The following SGCZ variants were observed in gnomAD, a reference collection of about 807,000 sequenced individuals.
SGCZ encodes the protein zeta-sarcoglycan.
Under a neutral mutation model 41.3 loss-of-function variants are expected in SGCZ, and 40 were observed. The observed-to-expected ratio is 0.97, with a 90% confidence interval of 0.75 to 1.26. The LOEUF is 1.26. Among genes scored for constraint, SGCZ ranks in the 50% most tolerant of loss-of-function variants. The probability of loss-of-function intolerance (pLI) is 0.00; values close to 1 mark genes in which losing one functional copy is unlikely to be tolerated. For synonymous variants in SGCZ, 206 were observed against 137.5 expected (o/e 1.50, Z -3.49); for missense variants, 552 against 369.8 (o/e 1.49, Z -4.04).
intron 1 of SGCZ, among the ~76,000 whole-genome samples, chr8:14,972,302 G>A (rs1012068347): frequency 6.6e-6 from 1 of 151,948 alleles, no homozygotes; most frequent in Non-Finnish European, 1.5e-5. Flanking sequence ...GATAATTTGT[G>A]TATTTTCTTT....
At position 14,690,240 on chromosome 8, in the gene SGCZ, C is replaced by T. The variant is rs142167841; in HGVS notation, c.40-135314G>A. On this transcript the variant is annotated intron_variant, in intron 1 of 7. Coordinates refer to ENST00000382080, the MANE Select transcript of SGCZ (RefSeq NM_139167.4). ...ATGCCTATTACGGTCTGAAATAATT[C>T]GTATATCTTAAGTATGTAGTTTATC... 60 of 151,382 alleles carry T rather than the reference C, an allele frequency of 4.0e-4. No homozygotes were observed. In the East Asian group the frequency reaches 0.011, roughly 27 times the overall value. 9.4% of individuals were successfully genotyped at this position (151,382 alleles called of 1,614,324 possible). A position where few individuals can be genotyped will look rare whatever the true frequency, so the allele number is the denominator to read the frequency against.
chr8:14,260,036 G>T (rs1799600865), intron 3 of SGCZ, among the ~76,000 whole-genome samples: 1 of 152,070 alleles, frequency 6.6e-6, no homozygotes, highest in Non-Finnish European at 1.5e-5. Flanking sequence ...CACATCCCTT[G>T]TAAGTTGGAT....
At position 15,029,905 on chromosome 8, in the gene SGCZ, C is replaced by G. The variant is rs550584202; in HGVS notation, c.39+207680G>C. On this transcript the variant is annotated intron_variant, in intron 1 of 7. Coordinates refer to ENST00000382080, the MANE Select transcript of SGCZ (RefSeq NM_139167.4). ...ATCCTTTGTGTAGTCTCTTTCAAAG[C>G]AAGCAAGTGATCTGAAATGGAATGT... Among the ~76,000 whole-genome samples the G allele has an allele frequency of 5.9e-5, 9 of 152,062 alleles. No individual in the cohort carries two copies. In the East Asian group the frequency reaches 1.6e-3, roughly 26 times the overall value.
Position 14,209,207 on chromosome 8 carries a change from A to C in SGCZ, c.424+28385T>G, listed in dbSNP as rs1294422046. On this transcript the variant is annotated intron_variant, in intron 4 of 7. Transcript: ENST00000382080. ...TGTAAACGTCACATGTTGTCCAACC[A>C]ATCTGTGGACTCCATGTAAATCAGA... 2.0e-5 allele frequency among the ~76,000 whole-genome samples: 3 copies of C among 152,216 alleles called. 1 individual carries two copies. In the East Asian group the frequency reaches 5.8e-4, roughly 29 times the overall value.
At chr8:14,732,721 A>G (rs1253091461) in intron 1 of SGCZ, among the ~76,000 whole-genome samples, 2 of 152,164 alleles carry the variant, frequency 1.3e-5, no homozygotes, top group Non-Finnish European at 2.9e-5. Context: ...GGCAACCAAT[A>G]TGCACAAGAC....
intron 1 of SGCZ, among the ~76,000 whole-genome samples, chr8:14,766,216 T>G (rs557718025): frequency 6.6e-6 from 1 of 152,232 alleles, no homozygotes; most frequent in Non-Finnish European, 1.5e-5. Context: ...CGCCTCGACT[T>G]CCCAAAGTGC....
chr8:14,275,842 T>C (rs1038413132), intron 3 of SGCZ, among the ~76,000 whole-genome samples: 8 of 152,162 alleles, frequency 5.3e-5, no homozygotes, highest in Admixed American at 1.3e-4. Context: ...TAGGAGTTAC[T>C]TTACCCCTAA....
intron 4 of SGCZ, among the ~76,000 whole-genome samples, chr8:14,226,802 G>A (rs1392442867): frequency 6.6e-6 from 1 of 152,052 alleles, no homozygotes; most frequent in Non-Finnish European, 1.5e-5. Flanking sequence ...AAGGTGTAAT[G>A]TTTTGCATTC....
intron 1 of SGCZ, among the ~76,000 whole-genome samples, chr8:15,071,697 A>G (rs1156994712): frequency 1.3e-5 from 2 of 152,146 alleles, no homozygotes; most frequent in Non-Finnish European, 2.9e-5. Context: ...TTGGGTACCA[A>G]CCTCAAAGTT....
chr8:14,234,821 T>G (rs1215364338), intron 4 of SGCZ, among the ~76,000 whole-genome samples: 1 of 152,188 alleles, frequency 6.6e-6, no homozygotes, highest in African/African-American at 2.4e-5. Flanking sequence ...GTAAATTTAT[T>G]CTTACATAAT....
At chr8:14,908,654 G>A (rs191661181) in intron 1 of SGCZ, among the ~76,000 whole-genome samples, 1,627 of 150,452 alleles carry the variant, frequency 0.011, 31 homozygotes, top group African/African-American at 0.035. Context: ...GGAGGCTGAG[G>A]CAGGAGAATC....
intron 2 of SGCZ, among the ~76,000 whole-genome samples, chr8:14,378,424 C>A (rs113624184): frequency 0.019 from 2,929 of 152,202 alleles, 77 homozygotes; most frequent in African/African-American, 0.055. Context: ...CCACAATTGA[C>A]AAATGGGATC....
At chr8:15,126,697 A>G (rs1022812953) in intron 1 of SGCZ, among the ~76,000 whole-genome samples, 15 of 152,204 alleles carry the variant, frequency 9.9e-5, no homozygotes, top group Admixed American at 2.6e-4. Flanking sequence ...TTGAGGCACA[A>G]CAGGAAGAGT....
chr8:14,184,396 T>C lies in SGCZ; in HGVS notation c.425-19694A>G, dbSNP rs1174347574. Among the ~76,000 whole-genome samples, 3 of 152,196 alleles carry C rather than the reference T, an allele frequency of 2.0e-5. No homozygotes were observed. The East Asian group carries it at 5.8e-4, about 29-fold the overall frequency. On this transcript the variant is annotated intron_variant, in intron 4 of 7. Coordinates refer to ENST00000382080, the MANE Select transcript of SGCZ (RefSeq NM_139167.4). ...TATTTAAATGATTTTTAGTCTTATG[T>C]AATCCAGAGTATTAATTATCAATCA... is the stretch of plus-strand genomic sequence containing the variant.
At chr8:15,159,794 T>A (rs1391593953) in intron 1 of SGCZ, among the ~76,000 whole-genome samples, 2 of 124,254 alleles carry the variant, frequency 1.6e-5, no homozygotes, top group African/African-American at 6.0e-5. Context: ...ATCAGCTTAA[T>A]GGCAGATAAT....
At chr8:14,237,285 G>C (rs1806796777) in intron 4 of SGCZ, among the ~76,000 whole-genome samples, 1 of 152,116 alleles carries the variant, frequency 6.6e-6, no homozygotes, top group South Asian at 2.1e-4. Context: ...ACTAGCCTAT[G>C]ACAAGTCAAA....
intron 1 of SGCZ, among the ~76,000 whole-genome samples, chr8:14,894,458 T>C (rs182359323): frequency 4.0e-4 from 61 of 152,286 alleles, no homozygotes; most frequent in African/African-American, 1.4e-3. Context: ...TCTGTCAGTA[T>C]CCCCTTAGTG....
intron 3 of SGCZ, among the ~76,000 whole-genome samples, chr8:14,322,470 A>G (rs1336456995): frequency 2.0e-5 from 3 of 152,090 alleles, no homozygotes; most frequent in Admixed American, 6.6e-5. Context: ...TCTATGGTCC[A>G]TAGGTGGAAT....
chr8:14,923,701 T>C (rs1368903384), intron 1 of SGCZ, among the ~76,000 whole-genome samples: 3 of 152,232 alleles, frequency 2.0e-5, no homozygotes, highest in South Asian at 2.1e-4. Context: ...CAATTGTTGC[T>C]GTTTAGTCAA....
Sources: gnomAD v4.1 joint callset for allele counts (sites outside exome capture counted in the v4.1 genomes callset) on GRCh38, gnomAD v4.1.1 for gene constraint, MANE v1.5 for transcripts, NCBI Gene and HGNC (gene_info 2026-07-23, HGNC 2026-07-21) for gene names.